The following AP1S3 variants were observed in gnomAD, a reference collection of about 807,000 sequenced individuals.
AP1S3 encodes adaptor related protein complex 1 subunit sigma 3, also known as AP-1 complex subunit sigma-3.
AP1S3 carries 10 observed loss-of-function variants against 20.9 expected under a neutral mutation model. That is an observed-to-expected ratio of 0.48 (90% confidence interval 0.29 to 0.81). The LOEUF (loss-of-function observed/expected upper bound fraction) is 0.81, where lower values mean the gene tolerates loss of function less well. Ranked by LOEUF, AP1S3 falls within the 30% of genes least tolerant of loss-of-function variation. AP1S3 has a pLI of 0.08. For synonymous variants in AP1S3, 41 were observed against 61.5 expected, an observed-to-expected ratio of 0.67 and a Z score of 1.56; for missense variants, 154 against 183.8, an observed-to-expected ratio of 0.84 and a Z score of 0.94.
intron 1 of AP1S3, among the ~76,000 whole-genome samples, chr2:223,819,738 G>T (rs1194314159): frequency 6.6e-6 from 1 of 152,034 alleles, no homozygotes. Flanking sequence ...TTATAGTACA[G>T]AATATAATTC....
At chr2:223,818,930 T>C (rs1161878285) in intron 1 of AP1S3, among the ~76,000 whole-genome samples, 1 of 152,180 alleles carries the variant, frequency 6.6e-6, no homozygotes, top group African/African-American at 2.4e-5. Flanking sequence ...ACTTAATGAT[T>C]ATAGATTCAA....
At chr2:223,780,882 C>T (rs1208075317) in intron 1 of AP1S3, among the ~76,000 whole-genome samples, 5 of 151,758 alleles carry the variant, frequency 3.3e-5, no homozygotes. Context: ...TACAACTGAA[C>T]CTGTCAATCA....
intron 1 of AP1S3, among the ~76,000 whole-genome samples, chr2:223,821,414 C>A (rs1691984081): frequency 6.6e-6 from 1 of 152,160 alleles, no homozygotes; most frequent in Middle Eastern, 3.4e-3. Context: ...CTCGGCCTCC[C>A]AAAGTGCTGG....
chr2:223,833,241 A>AATAAATACATACATAC (rs112316770), intron 1 of AP1S3, among the ~76,000 whole-genome samples: 2,985 of 148,506 alleles, frequency 0.02, 42 homozygotes, highest in East Asian at 0.061. Flanking sequence ...TTAAAGGCAA[A>AATAAATACATACATAC]ATACATACAT....
chr2:223,789,779 C>T (rs1353089183), intron 1 of AP1S3, among the ~76,000 whole-genome samples: 2 of 147,822 alleles, frequency 1.4e-5, no homozygotes, highest in Non-Finnish European at 3.0e-5. Context: ...CAGAGGTTGC[C>T]GTGAGCCGAG....
Position 223,837,561 on chromosome 2 carries a change from G to A in AP1S3, c.-111C>T. The stretch of plus-strand genomic sequence containing the variant: ...GCTGACAGGTGAGGCGCCCGGCTTA[G>A]ACCATGGCTGCTTCCCACAATGCCC... On this transcript the variant is annotated 5_prime_UTR_variant, in exon 1 of 5. Coordinates refer to ENST00000396654, the MANE Select transcript of AP1S3 (RefSeq NM_001039569.2). 1 of 635,346 alleles carries A rather than the reference G, an allele frequency of 1.6e-6. No individual in the cohort carries two copies. The highest frequency in any genetic ancestry group is 2.3e-6 in the Non-Finnish European group (1 of 440,644). 39.4% of individuals were successfully genotyped at this position (635,346 alleles called of 1,614,324 possible).
chr2:223,825,564 T>C lies in AP1S3; in HGVS notation c.3+11884A>G, dbSNP rs564550269. Among the ~76,000 whole-genome samples, 4 of 152,322 alleles carry C rather than the reference T, an allele frequency of 2.6e-5. No homozygotes were observed. In the South Asian group the frequency reaches 8.3e-4, roughly 32 times the overall value. On this transcript the variant is annotated intron_variant, in intron 1 of 4. Transcript: ENST00000396654. Reference sequence around the variant, plus strand: ...CCCCACTGAATTCCTGTGGCAATTATATAATTTAACAACATACTTCAGAGC... The same window carrying C: ...CCCCACTGAATTCCTGTGGCAATTACATAATTTAACAACATACTTCAGAGC...
At chr2:223,806,965 T>G (rs2106115166) in intron 1 of AP1S3, among the ~76,000 whole-genome samples, 1 of 152,302 alleles carries the variant, frequency 6.6e-6, no homozygotes, top group Middle Eastern at 3.4e-3. Flanking sequence ...AATTAAAGAT[T>G]GCTAGAGAAA....
At chr2:223,836,764 T>G (rs1018644870) in intron 1 of AP1S3, among the ~76,000 whole-genome samples, 8 of 152,132 alleles carry the variant, frequency 5.3e-5, no homozygotes, top group Non-Finnish European at 1.0e-4. Context: ...AGGTCAGTTT[T>G]CTTGCTAAAA....
intron 1 of AP1S3, among the ~76,000 whole-genome samples, chr2:223,797,288 C>A (rs1192029062): frequency 6.6e-6 from 1 of 152,090 alleles, no homozygotes; most frequent in African/African-American, 2.4e-5. Context: ...GAGGAGAGAG[C>A]AGCAACTATG....
intron 1 of AP1S3, among the ~76,000 whole-genome samples, chr2:223,836,222 GGT>G (rs1692391240): frequency 6.6e-6 from 1 of 152,100 alleles, no homozygotes; most frequent in African/African-American, 2.4e-5. Flanking sequence ...TTTGGGAAGT[GGT>G]AACACACTTG....
Position 223,804,713 on chromosome 2 carries a change from G to A in AP1S3, c.4-26844C>T, listed in dbSNP as rs577649946. On this transcript the variant is annotated intron_variant, in intron 1 of 4. Transcript: ENST00000396654. The stretch of plus-strand genomic sequence containing the variant: ...CACTCCAGCCTGAGTGACAGAGACT[G>A]TTTCAAAAAAAAAAAAAAGAGGTTT... Among the ~76,000 whole-genome samples, 22 of 144,346 alleles carry A rather than the reference G, an allele frequency of 1.5e-4. 1 individual carries two copies. The South Asian group carries it at 4.7e-3, about 31-fold the overall frequency. The allele number at this position is 144,346 out of a possible 152,430, so 94.7% of individuals were successfully genotyped here.
chr2:223,785,477 T>C (rs977923541), intron 1 of AP1S3, among the ~76,000 whole-genome samples: 1 of 152,216 alleles, frequency 6.6e-6, no homozygotes. Flanking sequence ...AACAGTGGAA[T>C]TATAAATGTT....
intron 1 of AP1S3, among the ~76,000 whole-genome samples, chr2:223,816,384 C>T (rs995727998): frequency 2.0e-4 from 30 of 151,466 alleles, no homozygotes; most frequent in Non-Finnish European, 1.2e-4. Flanking sequence ...CAAAAACAAA[C>T]GAAGAGATCA....
At chr2:223,790,556 A>G (rs1259099195) in intron 1 of AP1S3, among the ~76,000 whole-genome samples, 1 of 152,086 alleles carries the variant, frequency 6.6e-6, no homozygotes, top group Non-Finnish European at 1.5e-5. Flanking sequence ...TACCTAATGT[A>G]GTTTTTTTTC....
intron 1 of AP1S3, among the ~76,000 whole-genome samples, chr2:223,780,349 A>AGTGTGTGTGTGT (rs1298235522): frequency 7.2e-5 from 5 of 69,798 alleles, no homozygotes; most frequent in Non-Finnish European, 1.3e-4. Flanking sequence ...AGAGAGAGAG[A>AGTGTGTGTGTGT]GAGAGAGAGT....
rs202126646 is a variant in AP1S3, at chr2:223,826,574, CAGAG to C, written c.3+10870_3+10873del. 7.5e-3 allele frequency among the ~76,000 whole-genome samples: 1,131 copies of C among 151,174 alleles called. 11 individuals are homozygous for C. Among genetic ancestry groups the C allele is most frequent in the African/African-American group, 0.026 (1,076 of 41,182 alleles). On this transcript the variant is annotated intron_variant, in intron 1 of 4. Transcript: ENST00000396654. ...CACCACTGCACTTCAGCTTGGGTGA[CAGAG>C]AGAGACTCCGTCTCAGAAACAAAAC...
At chr2:223,770,894 A>AT (rs1690609821) in intron 3 of AP1S3, among the ~76,000 whole-genome samples, 1 of 151,420 alleles carries the variant, frequency 6.6e-6, no homozygotes, top group Non-Finnish European at 1.5e-5. Context: ...TGCCTGGCTA[A>AT]TTTTTTTATT....
In AP1S3 at chr2:223,821,241, C is replaced by T. The variant is rs576435176; in HGVS notation, c.3+16207G>A. Among the ~76,000 whole-genome samples, 5 of 152,300 alleles carry T rather than the reference C, an allele frequency of 3.3e-5. No individual in the cohort carries two copies. The East Asian group carries it at 9.7e-4, about 29-fold the overall frequency. On this transcript the variant is annotated intron_variant, in intron 1 of 4. Transcript: ENST00000396654. ...CACCATCTCAGCTCACTGCAACCTC[C>T]ACCTCCCAGATTCAAGCGATTTTCC... is the stretch of plus-strand genomic sequence containing the variant.
Sources: allele counts gnomAD v4.1 joint callset (sites outside exome capture counted in the v4.1 genomes callset), GRCh38; gene constraint gnomAD v4.1.1; transcripts MANE v1.5; gene names NCBI Gene and HGNC (gene_info 2026-07-23, HGNC 2026-07-21).